Variants in SGPL1 observed in about 807,000 individuals in gnomAD.
SGPL1 encodes the protein sphingosine-1-phosphate lyase 1, also known as SP-lyase 1.
SGPL1 carries 37 observed loss-of-function variants against 68.9 expected under a neutral mutation model. That is an observed-to-expected ratio of 0.54 (90% CI 0.41 to 0.71). The LOEUF (loss-of-function observed/expected upper bound fraction) is 0.71, where lower values mean the gene tolerates loss of function less well. SGPL1 is among the 30% of genes least tolerant of loss of function. The pLI, the probability that SGPL1 is intolerant of heterozygous loss-of-function variation, is 0.00. For synonymous variants in SGPL1, 236 were observed against 248.5 expected, an observed-to-expected ratio of 0.95 and a Z score of 0.47; for missense variants, 551 against 704.6, an observed-to-expected ratio of 0.78 and a Z score of 2.47.
At chr10:70,842,318 G>A (rs1056304235) in intron 2 of SGPL1, among the ~76,000 whole-genome samples, 3 of 152,166 alleles carry the variant, frequency 2.0e-5, no homozygotes, top group African/African-American at 7.2e-5. Flanking sequence ...CGTTTAAAAT[G>A]TTGATAGATA....
intron 4 of SGPL1, among the ~76,000 whole-genome samples, chr10:70,851,483 A>G (rs1191095908): frequency 6.6e-6 from 1 of 151,114 alleles, no homozygotes; most frequent in African/African-American, 2.4e-5. Context: ...ACACAGAATT[A>G]TCTGGCTGGA....
chr10:70,873,438 C>T lies in SGPL1; in HGVS notation c.1147C>T (p.Gln383Ter). The T allele has an allele frequency of 6.2e-7, 1 of 1,614,232 alleles. No individual in the cohort carries two copies. The highest frequency in any genetic ancestry group is 1.3e-5 in the African/African-American group (1 of 75,072). The change falls in exon 12 of 15, where the codon CAG (glutamine) becomes TAG (stop). Residue 383 changes from glutamine to a stop codon, truncating the protein, a stop_gained. Coordinates refer to ENST00000373202, the MANE Select transcript of SGPL1 (RefSeq NM_003901.4). LOFTEE classifies it high-confidence loss of function. The part of the protein sequence containing the change: ...NYQFFVDTDW[Q>*]GGIYASPTIA... ...TCAGTTCTTCGTCGATACAGATTGG[C>T]AGGGTGGCATCTATGCTTCCCCAAC...
At chr10:70,853,364 G>A (rs1395484257) in intron 4 of SGPL1, among the ~76,000 whole-genome samples, 1 of 152,150 alleles carries the variant, frequency 6.6e-6, no homozygotes, top group African/African-American at 2.4e-5. Context: ...GAGTTCTGGC[G>A]TTCTTTAACA....
intron 5 of SGPL1, among the ~76,000 whole-genome samples, chr10:70,855,457 G>GGTTTGCCACTTAAA (rs1168678829): frequency 1.3e-5 from 2 of 152,166 alleles, no homozygotes; most frequent in Non-Finnish European, 2.9e-5. Context: ...TTCATACCTT[G>GGTTTGCCACTTAAA]GTTTGCCACT....
At chr10:70,874,922 A>C (rs1210427202) in intron 12 of SGPL1, among the ~76,000 whole-genome samples, 2 of 151,646 alleles carry the variant, frequency 1.3e-5, no homozygotes, top group Non-Finnish European at 3.0e-5. Flanking sequence ...TAAGCAAACA[A>C]ATAAATAAAA....
chr10:70,838,733 G>C (rs1845668399), intron 2 of SGPL1, among the ~76,000 whole-genome samples: 2 of 152,152 alleles, frequency 1.3e-5, no homozygotes, highest in African/African-American at 4.8e-5. Flanking sequence ...AATCAGTTTA[G>C]TATATCAAGC....
At chr10:70,856,334 G>C (rs531519497) in intron 5 of SGPL1, among the ~76,000 whole-genome samples, 2 of 152,282 alleles carry the variant, frequency 1.3e-5, no homozygotes, top group Admixed American at 6.5e-5. Context: ...GACATGTGTT[G>C]AGGTCTTGAC....
In SGPL1 at chr10:70,827,150, T is replaced by C. The variant is rs1345169313; in HGVS notation, c.27+10270T>C. The stretch of plus-strand genomic sequence containing the variant: ...ACAATTTATACCACTATCAACAATA[T>C]ATGAGAGTTATTTCCACCCAACTTG... On this transcript the variant is annotated intron_variant, in intron 2 of 14. Coordinates refer to ENST00000373202, the MANE Select transcript of SGPL1 (RefSeq NM_003901.4). Among the ~76,000 whole-genome samples, 5 of 152,380 alleles carry C rather than the reference T, an allele frequency of 3.3e-5. No individual in the cohort carries two copies. The South Asian group carries it at 1.0e-3, about 32-fold the overall frequency.
At chr10:70,867,734 A>G (rs1846220731) in intron 7 of SGPL1, among the ~76,000 whole-genome samples, 1 of 152,268 alleles carries the variant, frequency 6.6e-6, no homozygotes, top group African/African-American at 2.4e-5. Flanking sequence ...TGGTAAAGAA[A>G]TGTGTTTATC....
intron 12 of SGPL1, among the ~76,000 whole-genome samples, chr10:70,874,061 T>C (rs1029938518): frequency 6.6e-6 from 1 of 152,176 alleles, no homozygotes; most frequent in Non-Finnish European, 1.5e-5. Flanking sequence ...GGAATCATAC[T>C]TGAAGAATCA....
chr10:70,868,511 T>C, intron 8 of SGPL1, 78 bp downstream of exon 8: 2 of 1,150,036 alleles, frequency 1.7e-6, no homozygotes, highest in Non-Finnish European at 2.6e-6. Flanking sequence ...AAGCAGATAA[T>C]CCATTTTCCT....
chr10:70,835,890 C>T (rs1221329651), intron 2 of SGPL1, among the ~76,000 whole-genome samples: 3 of 152,086 alleles, frequency 2.0e-5, no homozygotes, highest in African/African-American at 7.2e-5. Flanking sequence ...TGAACATTTC[C>T]TTGAGTGAAT....
At chr10:70,825,478 A>G (rs561010592) in intron 2 of SGPL1, among the ~76,000 whole-genome samples, 1 of 152,302 alleles carries the variant, frequency 6.6e-6, no homozygotes, top group South Asian at 2.1e-4. Context: ...AAATGAGGAG[A>G]TAATTCTTGA....
chr10:70,830,226 T>A (rs1166515395), intron 2 of SGPL1, among the ~76,000 whole-genome samples: 2 of 152,214 alleles, frequency 1.3e-5, no homozygotes, highest in African/African-American at 4.8e-5. Context: ...AGTGTACAAC[T>A]CTGGTGTTTT....
At chr10:70,876,728 T>C in intron 14 of SGPL1, 67 bp downstream of exon 14, 2 of 1,426,096 alleles carry the variant, frequency 1.4e-6, no homozygotes, top group Non-Finnish European at 1.9e-6. Context: ...TTTGAAGGAA[T>C]CATATGACCC....
intron 2 of SGPL1, among the ~76,000 whole-genome samples, chr10:70,843,319 A>G (rs910597676): frequency 6.6e-6 from 1 of 152,190 alleles, no homozygotes; most frequent in Non-Finnish European, 1.5e-5. Context: ...TAAACTCAGT[A>G]TAGACTTGGA....
Position 70,877,279 on chromosome 10 carries a change from A to G in SGPL1, c.1651A>G (p.Ser551Gly). 1 of 1,614,228 alleles carries G rather than the reference A, an allele frequency of 6.2e-7. No homozygotes were observed. Among genetic ancestry groups the G allele is most frequent in the Non-Finnish European group, 8.5e-7 (1 of 1,180,038 alleles). Residue 551 changes from serine to glycine, a missense_variant, in exon 15 of 15, where the codon AGC becomes GGC. Transcript: ENST00000373202. ...CTCAGTCTTCTTGGACAGCTTGTAC[A>G]GCACCGACACTGTCACCCAGGGCAG... ...LSSVFLDSLY[S>G]TDTVTQGSQM...
intron 7 of SGPL1, among the ~76,000 whole-genome samples, chr10:70,867,391 CGTCT>C (rs1359391595): frequency 6.6e-6 from 1 of 151,982 alleles, no homozygotes; most frequent in Non-Finnish European, 1.5e-5. Flanking sequence ...GGTGAAACCC[CGTCT>C]CTGCTAAAAA....
chr10:70,857,422 T>C lies in SGPL1; in HGVS notation c.410-192T>C. 3 of 514,424 alleles carry C rather than the reference T, an allele frequency of 5.8e-6. 1 individual carries two copies. The highest frequency in any genetic ancestry group is 4.2e-5 in the South Asian group (2 of 47,536). 31.9% of individuals were successfully genotyped at this position (514,424 alleles called of 1,614,324 possible). On this transcript the variant is annotated intron_variant, in intron 5 of 14. Transcript: ENST00000373202. ...TTTTTCACATTGCTGATAATAATGATTTTTCATCTTTATTTTATTGTGCTA... is the reference window on the plus strand; with the variant it reads ...TTTTTCACATTGCTGATAATAATGACTTTTCATCTTTATTTTATTGTGCTA...
Sources: gnomAD v4.1 joint callset for allele counts (sites outside exome capture counted in the v4.1 genomes callset) on GRCh38, gnomAD v4.1.1 for gene constraint, MANE v1.5 for transcripts, NCBI Gene and HGNC (gene_info 2026-07-23, HGNC 2026-07-21) for gene names.